Variants in FAM135B observed in about 807,000 individuals in gnomAD.
FAM135B encodes family with sequence similarity 135 member B.
FAM135B carries 43 observed loss-of-function variants against 127.7 expected under a neutral mutation model. The ratio of observed to expected loss-of-function variants is 0.34; its 90% confidence interval spans 0.26 to 0.43. The LOEUF (loss-of-function observed/expected upper bound fraction) is 0.43. Ranked by LOEUF, FAM135B falls within the 20% of genes least tolerant of loss-of-function variation. The pLI, the probability that FAM135B is intolerant of heterozygous loss-of-function variation, is 1.00. For missense variants in FAM135B, 1,558 were observed against 1,725.6 expected (o/e 0.90, Z 1.72); for synonymous variants, 670 against 665.1 (o/e 1.01, Z -0.11).
chr8:138,170,337 C>CTCAGGCT (rs1212980600), intron 11 of FAM135B, among the ~76,000 whole-genome samples: 13 of 151,506 alleles, frequency 8.6e-5, no homozygotes, highest in Non-Finnish European at 1.6e-4. Context: ...ATTTTCCTGC[C>CTCAGGCT]TCAGGCTCCC....
intron 2 of FAM135B, among the ~76,000 whole-genome samples, chr8:138,339,207 T>C (rs1220969383): frequency 6.6e-6 from 1 of 151,952 alleles, no homozygotes; most frequent in Non-Finnish European, 1.5e-5. Flanking sequence ...CATGTATACA[T>C]ATGTAACTAA....
At chr8:138,396,567 C>T (rs1030243481) in intron 1 of FAM135B, among the ~76,000 whole-genome samples, 13 of 152,032 alleles carry the variant, frequency 8.6e-5, no homozygotes, top group South Asian at 4.2e-4. Flanking sequence ...AGTTATTGAT[C>T]GAAATTTTAC....
upstream of FAM135B, among the ~76,000 whole-genome samples, chr8:138,497,537 C>T (rs146517916): frequency 2.5e-4 from 38 of 152,296 alleles, no homozygotes; most frequent in East Asian, 4.1e-3. Flanking sequence ...CGGCGGAGAA[C>T]TGGCTGGGAG....
chr8:138,452,616 A>G (rs1024727861), intron 1 of FAM135B, among the ~76,000 whole-genome samples: 1 of 152,170 alleles, frequency 6.6e-6, no homozygotes. Context: ...TTATGTAAAT[A>G]CTCAGCAATT....
chr8:138,481,204 T>G (rs1039763597), intron 1 of FAM135B, among the ~76,000 whole-genome samples: 2 of 152,224 alleles, frequency 1.3e-5, no homozygotes, highest in South Asian at 2.1e-4. Flanking sequence ...ATAAATATTC[T>G]TTCTCAATTA....
At chr8:138,179,587 A>AAGACAGCATCTCTGTAACC (rs1407932333) in intron 9 of FAM135B, among the ~76,000 whole-genome samples, 1 of 152,170 alleles carries the variant, frequency 6.6e-6, no homozygotes, top group Admixed American at 6.5e-5. Flanking sequence ...GTCCTGAGAG[A>AAGACAGCATCTCTGTAACC]AGACAGCATC....
At chr8:138,256,901 G>T in intron 4 of FAM135B, 142 bp from the exon 5 acceptor site, 1 of 686,060 alleles carries the variant, frequency 1.5e-6, no homozygotes, top group Non-Finnish European at 2.6e-6. Context: ...GAATTTCCAT[G>T]CATGTTTCAT....
At chr8:138,342,982 T>C (rs1413447825) in intron 2 of FAM135B, among the ~76,000 whole-genome samples, 1 of 152,266 alleles carries the variant, frequency 6.6e-6, no homozygotes, top group Non-Finnish European at 1.5e-5. Flanking sequence ...GGTCTGTATA[T>C]TGATATATCA....
intron 12 of FAM135B, among the ~76,000 whole-genome samples, chr8:138,159,630 G>T (rs1395159380): frequency 6.6e-6 from 1 of 151,548 alleles, no homozygotes; most frequent in Non-Finnish European, 1.5e-5. Context: ...GGGAGGGATA[G>T]CATTAGGCAA....
intron 2 of FAM135B, among the ~76,000 whole-genome samples, chr8:138,354,386 TTTTCCA>T (rs1829957929): frequency 6.6e-6 from 1 of 152,134 alleles, no homozygotes; most frequent in South Asian, 2.1e-4. Flanking sequence ...TGACATGCCC[TTTTCCA>T]TTTCTGTACC....
intron 2 of FAM135B, among the ~76,000 whole-genome samples, chr8:138,311,512 C>A (rs1184566649): frequency 2.0e-5 from 3 of 152,194 alleles, no homozygotes; most frequent in Non-Finnish European, 2.9e-5. Flanking sequence ...CCCTCTTTTG[C>A]CCCAAGTACA....
intron 9 of FAM135B, among the ~76,000 whole-genome samples, chr8:138,186,164 C>T (rs1815551865): frequency 6.6e-6 from 1 of 152,146 alleles, no homozygotes; most frequent in Non-Finnish European, 1.5e-5. Context: ...GCTCCTGCAG[C>T]CCCTCACCTC....
At chr8:138,435,134 T>A (rs961371015) in intron 1 of FAM135B, among the ~76,000 whole-genome samples, 1 of 151,930 alleles carries the variant, frequency 6.6e-6, no homozygotes, top group East Asian at 1.9e-4. Context: ...TCATCTCTAC[T>A]AAAAATACAA....
chr8:138,366,611 A>C (rs111457907), intron 2 of FAM135B, among the ~76,000 whole-genome samples: 8 of 152,242 alleles, frequency 5.3e-5, no homozygotes, highest in African/African-American at 1.9e-4. Flanking sequence ...CACTGCCTGG[A>C]GTTCAGGTCA....
chr8:138,478,025 C>T (rs541012091), intron 1 of FAM135B, among the ~76,000 whole-genome samples: 36 of 152,182 alleles, frequency 2.4e-4, no homozygotes, highest in African/African-American at 7.2e-4. Flanking sequence ...TGTTGTTGCA[C>T]GAGAGAAATA....
intron 11 of FAM135B, among the ~76,000 whole-genome samples, chr8:138,174,100 T>A (rs892575433): frequency 1.3e-5 from 2 of 152,216 alleles, no homozygotes; most frequent in African/African-American, 4.8e-5. Flanking sequence ...CCATCTATTC[T>A]GCCTTGCCCT....
chr8:138,370,222 A>C (rs1338639502), intron 1 of FAM135B, among the ~76,000 whole-genome samples: 1 of 152,184 alleles, frequency 6.6e-6, no homozygotes, highest in East Asian at 1.9e-4. Context: ...GACAATATTT[A>C]ACGCATGGAG....
chr8:138,215,016 TAA>T (rs1818439758), intron 7 of FAM135B, among the ~76,000 whole-genome samples: 1 of 152,146 alleles, frequency 6.6e-6, no homozygotes, highest in East Asian at 1.9e-4. Flanking sequence ...AACGTAGACA[TAA>T]GAGAGAAGAA....
rs547266238 is a variant in FAM135B, at chr8:138,315,009, G to T, written c.78-4089C>A. 6.3e-4 allele frequency among the ~76,000 whole-genome samples: 94 copies of T among 150,384 alleles called. 2 individuals carry two copies. Among genetic ancestry groups the T allele is most frequent in the Admixed American group, 6.1e-3 (93 of 15,128 alleles). ...TACAATCTTGAGAAAAAAGAAAAAT[G>T]AACAAGGTAAAATGGCCACTTACAA... is the stretch of plus-strand genomic sequence containing the variant. On this transcript the variant is annotated intron_variant, in intron 2 of 19. Transcript: ENST00000395297.
Sources: allele counts gnomAD v4.1 joint callset (sites outside exome capture counted in the v4.1 genomes callset), GRCh38; gene constraint gnomAD v4.1.1; transcripts MANE v1.5; gene names NCBI Gene and HGNC (gene_info 2026-07-23, HGNC 2026-07-21).